Variants in PTPRQ observed in about 807,000 individuals in gnomAD.
PTPRQ encodes the protein phosphatidylinositol phosphatase PTPRQ.
In PTPRQ, 199 loss-of-function variants were observed where a neutral mutation model predicts 246.0. That is an observed-to-expected ratio of 0.81 (90% CI 0.72 to 0.91). The LOEUF is 0.91. Ranked by LOEUF, PTPRQ falls within the 40% of genes least tolerant of loss-of-function variation. PTPRQ has a pLI of 0.00. For synonymous variants in PTPRQ, 869 were observed against 853.2 expected (o/e 1.02, Z -0.32); for missense variants, 2,624 against 2,528.4 (o/e 1.04, Z -0.81).
intron 3 of PTPRQ, among the ~76,000 whole-genome samples, chr12:80,450,498 G>T (rs1347910980): frequency 6.6e-6 from 1 of 152,162 alleles, no homozygotes; most frequent in East Asian, 1.9e-4. Flanking sequence ...CATTCAGTAT[G>T]ATATTGGCTG....
rs567093535 is a variant in PTPRQ, at chr12:80,595,566, T to A, written c.4609+7114T>A. On this transcript the variant is annotated intron_variant, in intron 26 of 44. Transcript: ENST00000644991. Reference sequence around the variant, plus strand: ...TTTTATTTCACAAAACCAGTATATATTTATTATTATTATTATACTTTAAGT... The same window carrying A: ...TTTTATTTCACAAAACCAGTATATAATTATTATTATTATTATACTTTAAGT... Among the ~76,000 whole-genome samples, 20 of 151,914 alleles carry A rather than the reference T, an allele frequency of 1.3e-4. No individual in the cohort carries two copies. The East Asian group carries it at 3.9e-3, about 29-fold the overall frequency.
intron 28 of PTPRQ, 115 bp from the exon 29 acceptor site, chr12:80,613,477 T>C: frequency 9.1e-7 from 1 of 1,099,054 alleles, no homozygotes; most frequent in Non-Finnish European, 1.3e-6. Context: ...GCAGTTTATA[T>C]GGTTTAATTT....
chr12:80,606,482 A>G (rs544789302), intron 27 of PTPRQ, among the ~76,000 whole-genome samples: 1 of 150,964 alleles, frequency 6.6e-6, no homozygotes, highest in Non-Finnish European at 1.5e-5. Flanking sequence ...CAATGATGTC[A>G]ATAATGCAGA....
intron 12 of PTPRQ, among the ~76,000 whole-genome samples, chr12:80,495,722 A>G (rs887234086): frequency 2.6e-5 from 4 of 152,054 alleles, no homozygotes; most frequent in Non-Finnish European, 5.9e-5. Context: ...TTCAGCTGAC[A>G]TGGTATTTGT....
chr12:80,638,327 C>T (rs2121188175), intron 35 of PTPRQ, among the ~76,000 whole-genome samples: 1 of 151,498 alleles, frequency 6.6e-6, no homozygotes, highest in South Asian at 2.1e-4. Flanking sequence ...GATTCTTAGG[C>T]ATGTCCTTTT....
chr12:80,521,720 A>G (rs1476753694), intron 17 of PTPRQ, among the ~76,000 whole-genome samples: 1 of 152,094 alleles, frequency 6.6e-6, no homozygotes, highest in Admixed American at 6.6e-5. Flanking sequence ...CCATTGATCT[A>G]TATCTCTGTT....
chr12:80,572,901 A>G (rs1474101588), intron 25 of PTPRQ, among the ~76,000 whole-genome samples: 3 of 152,182 alleles, frequency 2.0e-5, no homozygotes, highest in Non-Finnish European at 4.4e-5. Context: ...GATTTGATTT[A>G]GTAACATTTT....
At chr12:80,482,197 A>G (rs1221441995) in intron 8 of PTPRQ, among the ~76,000 whole-genome samples, 1 of 150,220 alleles carries the variant, frequency 6.7e-6, no homozygotes, top group Non-Finnish European at 1.5e-5. Flanking sequence ...ATGGAACAGA[A>G]CAGAGCCCTC....
chr12:80,665,569 AAC>A (rs1206385812), intron 39 of PTPRQ, among the ~76,000 whole-genome samples: 1 of 152,042 alleles, frequency 6.6e-6, no homozygotes, highest in Non-Finnish European at 1.5e-5. Context: ...AAACCTCAAA[AAC>A]ACAGGCAGTA....
chr12:80,634,745 A>T, intron 34 of PTPRQ, 200 bp from the exon 35 acceptor site: 1 of 707,496 alleles, frequency 1.4e-6, no homozygotes, highest in Non-Finnish European at 2.0e-6. Context: ...CTTATTAGAA[A>T]AAAAAGAAAG....
chr12:80,514,411 C>CTCTCTT (rs1895222512), intron 17 of PTPRQ, among the ~76,000 whole-genome samples: 1 of 150,244 alleles, frequency 6.7e-6, no homozygotes, highest in Non-Finnish European at 1.5e-5. Context: ...CACTCTCTCT[C>CTCTCTT]TCTCTCTCTG....
chr12:80,669,179 C>T lies in PTPRQ; in HGVS notation c.6327+38C>T, dbSNP rs11114558. 0.12 allele frequency: 181,499 copies of T among 1,538,020 alleles called. 16,489 individuals carry two copies. Among genetic ancestry groups the T allele is most frequent in the African/African-American group, 0.47 (33,704 of 72,390 alleles). On this transcript the variant is annotated intron_variant, in intron 40 of 44. Transcript: ENST00000644991. ...AAAATGTTTTACAAATGTTGTTTTA[C>T]GATTGTGTTAACATATGTGTGAATA...
chr12:80,616,058 T>C, intron 29 of PTPRQ, 142 bp from the exon 30 acceptor site: 1 of 428,440 alleles, frequency 2.3e-6, no homozygotes, highest in Non-Finnish European at 3.4e-6. Flanking sequence ...TATTTAAAAT[T>C]ACATGTAACC....
chr12:80,544,224 C>T (rs569321821), intron 23 of PTPRQ, among the ~76,000 whole-genome samples: 2 of 152,086 alleles, frequency 1.3e-5, no homozygotes, highest in South Asian at 2.1e-4. Context: ...TGTGTACATT[C>T]GAAATTGAGG....
At chr12:80,480,593 T>G (rs1894007005) in intron 8 of PTPRQ, among the ~76,000 whole-genome samples, 1 of 150,804 alleles carries the variant, frequency 6.6e-6, no homozygotes, top group Admixed American at 6.6e-5. Context: ...GAGCTGGTTT[T>G]TTGAAAGGAT....
chr12:80,491,598 A>T (rs1189614127), intron 9 of PTPRQ, among the ~76,000 whole-genome samples: 1 of 151,996 alleles, frequency 6.6e-6, no homozygotes. Context: ...GTAGAGTTGT[A>T]ACAAGATTTA....
In PTPRQ at chr12:80,536,569, G is replaced by C. The variant is rs574135327; in HGVS notation, c.2985+1532G>C. Among the ~76,000 whole-genome samples, 6 of 151,836 alleles carry C rather than the reference G, an allele frequency of 4.0e-5. No homozygotes were observed. In the South Asian group the frequency reaches 1.3e-3, roughly 32 times the overall value. The stretch of plus-strand genomic sequence containing the variant: ...TAAAAGACATGTAGATATAATTATA[G>C]CTGTAATGAAAGACATGTAGATATA... On this transcript the variant is annotated intron_variant, in intron 19 of 44. Transcript: ENST00000644991.
At chr12:80,481,182 A>T (rs1340319875) in intron 8 of PTPRQ, among the ~76,000 whole-genome samples, 2 of 152,358 alleles carry the variant, frequency 1.3e-5, no homozygotes, top group African/African-American at 4.8e-5. Context: ...CACCATGATC[A>T]AGTGGGCTTC....
chr12:80,460,483 C>G (rs1302326482), intron 5 of PTPRQ, among the ~76,000 whole-genome samples, 170 bp from the exon 6 acceptor site: 1 of 152,162 alleles, frequency 6.6e-6, no homozygotes, highest in Non-Finnish European at 1.5e-5. Context: ...TCTTCTAAAA[C>G]TGCAGACATA....
Sources: gnomAD v4.1 joint callset for allele counts (sites outside exome capture counted in the v4.1 genomes callset) on GRCh38, gnomAD v4.1.1 for gene constraint, MANE v1.5 for transcripts, NCBI Gene and HGNC (gene_info 2026-07-23, HGNC 2026-07-21) for gene names.